ZNF385B: variants seen among roughly 807,000 people sequenced by gnomAD.
ZNF385B encodes zinc finger protein 533.
A neutral mutation model predicts 39.2 loss-of-function variants in ZNF385B; 23 were observed. The observed-to-expected ratio is 0.59, with a 90% CI of 0.42 to 0.83. The LOEUF (loss-of-function observed/expected upper bound fraction) is 0.83. ZNF385B is among the 40% of genes least tolerant of loss of function. The probability of loss-of-function intolerance (pLI) is 0.00; values close to 1 mark genes in which losing one functional copy is unlikely to be tolerated. For missense variants in ZNF385B, 552 were observed against 598.9 expected (o/e 0.92, Z 0.82); for synonymous variants, 205 against 222.6 (o/e 0.92, Z 0.70).
At chr2:179,567,416 G>A (rs1213379430) in intron 3 of ZNF385B, among the ~76,000 whole-genome samples, 1 of 152,134 alleles carries the variant, frequency 6.6e-6, no homozygotes, top group African/African-American at 2.4e-5. Flanking sequence ...ATTGAAAAGT[G>A]GGGTCACTGG....
intron 3 of ZNF385B, among the ~76,000 whole-genome samples, chr2:179,713,587 A>G (rs2106389072): frequency 6.6e-6 from 1 of 152,258 alleles, no homozygotes; most frequent in East Asian, 1.9e-4. Flanking sequence ...TTGCATGATT[A>G]TTTGATTAAT....
At chr2:179,591,352 C>T (rs1367227311) in intron 3 of ZNF385B, among the ~76,000 whole-genome samples, 1 of 151,800 alleles carries the variant, frequency 6.6e-6, no homozygotes, top group Non-Finnish European at 1.5e-5. Flanking sequence ...ACATGTCTTA[C>T]TTTGAATAGA....
Position 179,443,460 on chromosome 2 carries a change from A to G in ZNF385B, c.1251T>C (p.Leu417=). The G allele has an allele frequency of 6.3e-7, 1 of 1,597,702 alleles. No homozygotes were observed. The highest frequency in any genetic ancestry group is 8.5e-7 in the Non-Finnish European group (1 of 1,171,774). The change falls in exon 10 of 10, where the codon CTT becomes CTC. Residue 417 remains leucine, a synonymous_variant. Coordinates refer to ENST00000410066, the MANE Select transcript of ZNF385B (RefSeq NM_152520.6). ...QRSPSILAAK[L]AFQKDMMKPL... is the part of the protein sequence containing the mutation. ...GCTTCATCATATCTTTCTGGAATGC[A>G]AGTTTTGCCTAAGGGAGGGAGAAAA...
chr2:179,748,489 T>G (rs1272552834), intron 3 of ZNF385B, among the ~76,000 whole-genome samples: 2 of 152,110 alleles, frequency 1.3e-5, no homozygotes, highest in Admixed American at 1.3e-4. Context: ...ATATCCATAA[T>G]GTTAAACAGT....
intron 1 of ZNF385B, among the ~76,000 whole-genome samples, chr2:179,844,174 G>A (rs1287989238): frequency 6.6e-6 from 1 of 152,190 alleles, no homozygotes; most frequent in Non-Finnish European, 1.5e-5. Context: ...GACATCGATT[G>A]AAACCGCCTC....
chr2:179,600,278 C>T (rs971549731), intron 3 of ZNF385B, among the ~76,000 whole-genome samples: 26 of 152,218 alleles, frequency 1.7e-4, no homozygotes, highest in East Asian at 7.7e-4. Context: ...AATAAAGAAA[C>T]GCCAGCATGT....
chr2:179,577,340 G>A (rs528612991), intron 3 of ZNF385B, among the ~76,000 whole-genome samples: 7 of 152,202 alleles, frequency 4.6e-5, no homozygotes, highest in East Asian at 3.9e-4. Context: ...ACTCATTAGA[G>A]AATACTTGAT....
chr2:179,757,529 C>T (rs1184311907), intron 3 of ZNF385B, among the ~76,000 whole-genome samples: 2 of 152,202 alleles, frequency 1.3e-5, no homozygotes, highest in African/African-American at 2.4e-5. Context: ...GTTTCTGCTG[C>T]CTTTTGTTTG....
intron 6 of ZNF385B, among the ~76,000 whole-genome samples, chr2:179,478,602 A>G (rs536732178): frequency 1.3e-5 from 2 of 152,336 alleles, no homozygotes; most frequent in Admixed American, 6.5e-5. Context: ...ATCATTCTAT[A>G]TGCATTCATC....
At chr2:179,843,582 T>C (rs194674) in intron 1 of ZNF385B, among the ~76,000 whole-genome samples, 73,445 of 152,098 alleles carry the variant, frequency 0.48, 18,641 homozygotes, top group African/African-American at 0.61. Context: ...CTTTTCCAAA[T>C]CTTCAATGCT....
intron 1 of ZNF385B, among the ~76,000 whole-genome samples, chr2:179,807,360 G>A (rs943648341): frequency 8.5e-5 from 13 of 152,222 alleles, no homozygotes; most frequent in African/African-American, 3.1e-4. Context: ...CACTTTGGGA[G>A]GCCGAGGTGG....
intron 3 of ZNF385B, among the ~76,000 whole-genome samples, chr2:179,669,567 T>A (rs1339695698): frequency 6.6e-6 from 1 of 152,226 alleles, no homozygotes; most frequent in Non-Finnish European, 1.5e-5. Flanking sequence ...CTTGACTTTT[T>A]CCTCTACATG....
intron 3 of ZNF385B, among the ~76,000 whole-genome samples, chr2:179,764,877 C>T (rs1356843822): frequency 6.6e-6 from 1 of 152,216 alleles, no homozygotes; most frequent in Non-Finnish European, 1.5e-5. Flanking sequence ...TTTCTTCCTG[C>T]CTCACTGCCT....
At chr2:179,449,639 G>A (rs2049876990) in intron 6 of ZNF385B, among the ~76,000 whole-genome samples, 1 of 152,052 alleles carries the variant, frequency 6.6e-6, no homozygotes, top group African/African-American at 2.4e-5. Context: ...ATGCTCATGG[G>A]TAGGAAGAAT....
intron 4 of ZNF385B, among the ~76,000 whole-genome samples, chr2:179,535,160 C>A (rs954381131): frequency 6.6e-6 from 1 of 152,106 alleles, no homozygotes; most frequent in East Asian, 1.9e-4. Flanking sequence ...ATTTGTAAAT[C>A]ATAAGCCTGT....
intron 3 of ZNF385B, among the ~76,000 whole-genome samples, chr2:179,643,078 A>G (rs1692408580): frequency 6.6e-6 from 1 of 151,872 alleles, no homozygotes; most frequent in Non-Finnish European, 1.5e-5. Context: ...TTTGACAGAC[A>G]TTTTCTCAAA....
At position 179,534,449 on chromosome 2, in the gene ZNF385B, A is replaced by G. The variant is rs1028751721; in HGVS notation, c.441+10378T>C. ...ATTAGAAATAGCATGGGGATATGTT[A>G]TATACTTATAATTTTTTCACAGCCT... is the stretch of plus-strand genomic sequence containing the variant. On this transcript the variant is annotated intron_variant, in intron 4 of 9. Transcript: ENST00000410066. Among the ~76,000 whole-genome samples, 6 of 152,296 alleles carry G rather than the reference A, an allele frequency of 3.9e-5. No homozygotes were observed. The East Asian group carries it at 5.8e-4, about 15-fold the overall frequency.
chr2:179,652,610 G>A (rs1323700587), intron 3 of ZNF385B, among the ~76,000 whole-genome samples: 2 of 152,060 alleles, frequency 1.3e-5, no homozygotes, highest in East Asian at 3.9e-4. Flanking sequence ...CTAGTCCCTT[G>A]CTCTTGACAC....
At chr2:179,549,832 A>T (rs1009672275) in intron 3 of ZNF385B, among the ~76,000 whole-genome samples, 3 of 149,376 alleles carry the variant, frequency 2.0e-5, no homozygotes, top group Non-Finnish European at 3.0e-5. Flanking sequence ...GGGAAGACAG[A>T]GTAGCATTCA....
Sources: allele counts gnomAD v4.1 joint callset (sites outside exome capture counted in the v4.1 genomes callset), GRCh38; gene constraint gnomAD v4.1.1; transcripts MANE v1.5; gene names NCBI Gene and HGNC (gene_info 2026-07-23, HGNC 2026-07-21).